The following FAM13C variants were observed in gnomAD, a reference collection of about 807,000 sequenced individuals.
FAM13C encodes protein FAM13C.
FAM13C carries 37 observed loss-of-function variants against 73.2 expected under a neutral mutation model. The observed-to-expected ratio is 0.51, with a 90% CI of 0.39 to 0.67. FAM13C has a LOEUF of 0.67. Among genes scored for constraint, FAM13C ranks in the 30% least tolerant of loss-of-function variants. The pLI is 0.00. For synonymous variants in FAM13C, 246 were observed against 260.9 expected (o/e 0.94, Z 0.55); for missense variants, 589 against 715.6 (o/e 0.82, Z 2.02).
At chr10:59,360,456 A>G (rs1473583787) in intron 1 of FAM13C, among the ~76,000 whole-genome samples, 1 of 152,156 alleles carries the variant, frequency 6.6e-6, no homozygotes, top group African/African-American at 2.4e-5. Context: ...CGTGTAGGCC[A>G]AGACCACACC....
intron 6 of FAM13C, among the ~76,000 whole-genome samples, chr10:59,277,031 T>C (rs544217003): frequency 1.3e-5 from 2 of 152,282 alleles, no homozygotes; most frequent in South Asian, 4.1e-4. Flanking sequence ...GCAGATGATG[T>C]TAACATTTTT....
intron 1 of FAM13C, among the ~76,000 whole-genome samples, 190 bp downstream of exon 1, chr10:59,362,209 A>C (rs1348452660): frequency 6.6e-6 from 1 of 152,164 alleles, no homozygotes; most frequent in Non-Finnish European, 1.5e-5. Context: ...AGCTGCTAAA[A>C]TGCTGGTTTC....
chr10:59,335,632 C>A (rs2134135285), intron 3 of FAM13C, among the ~76,000 whole-genome samples: 1 of 152,268 alleles, frequency 6.6e-6, no homozygotes, highest in Non-Finnish European at 1.5e-5. Context: ...GAAGAAAGGA[C>A]CAGTCCCTAA....
intron 3 of FAM13C, among the ~76,000 whole-genome samples, chr10:59,338,666 C>T (rs1589675636): frequency 6.6e-6 from 1 of 152,196 alleles, no homozygotes; most frequent in African/African-American, 2.4e-5. Flanking sequence ...CAACCTGCCT[C>T]AGCTTCCCCA....
intron 8 of FAM13C, 26 bp downstream of exon 8, chr10:59,268,527 C>T (rs777818555): frequency 1.7e-4 from 272 of 1,612,446 alleles, no homozygotes; most frequent in Non-Finnish European, 2.2e-4. Flanking sequence ...CCAATCCGCT[C>T]CTATGTCAAA....
At chr10:59,303,934 G>T (rs412286) in intron 4 of FAM13C, among the ~76,000 whole-genome samples, 2,888 of 152,272 alleles carry the variant, frequency 0.019, 41 homozygotes, top group Non-Finnish European at 0.027. Flanking sequence ...CAGGTCACTA[G>T]GTCAGGAGTT....
At chr10:59,264,435 C>A (rs1433655137) in intron 8 of FAM13C, among the ~76,000 whole-genome samples, 1 of 152,150 alleles carries the variant, frequency 6.6e-6, no homozygotes, top group Non-Finnish European at 1.5e-5. Flanking sequence ...TGCCTGGTCA[C>A]CTAACATTTT....
chr10:59,246,620 G>A lies in FAM13C; in HGVS notation c.*994C>T, dbSNP rs1414807192. On this transcript the variant is annotated 3_prime_UTR_variant, in exon 14 of 14. Coordinates refer to ENST00000618804, the MANE Select transcript of FAM13C (RefSeq NM_198215.4). ...AATGATATACACTGAAGTTGATGAA[G>A]CAAATAAATATTCTGGCTTCTTTTT... 1 of 397,530 alleles carries A rather than the reference G, an allele frequency of 2.5e-6. No individual in the cohort carries two copies. Among genetic ancestry groups the A allele is most frequent in the East Asian group, 3.6e-5 (1 of 27,864 alleles). The allele number at this position is 397,530 out of a possible 1,614,324, so 24.6% of individuals were successfully genotyped here.
intron 3 of FAM13C, among the ~76,000 whole-genome samples, chr10:59,336,253 T>C (rs1852709517): frequency 6.6e-6 from 1 of 152,212 alleles, no homozygotes; most frequent in African/African-American, 2.4e-5. Context: ...CCTAATATTA[T>C]TGTTTTTTAT....
rs558580386 is a variant in FAM13C at position 59,303,214 on chromosome 10, A to G, written c.444-350T>C. On this transcript the variant is annotated intron_variant, in intron 4 of 13. Coordinates refer to ENST00000618804, the MANE Select transcript of FAM13C (RefSeq NM_198215.4). ...TGCTCTCCCCTGGGATCTGCATACAATTCACTCTTATCACCATGTATGCAT... is the reference window on the plus strand; with the variant it reads ...TGCTCTCCCCTGGGATCTGCATACAGTTCACTCTTATCACCATGTATGCAT... Among the ~76,000 whole-genome samples, 53 of 152,170 alleles carry G rather than the reference A, an allele frequency of 3.5e-4. No homozygotes were observed. The South Asian group carries it at 0.01, about 29-fold the overall frequency.
At chr10:59,352,221 C>T (rs765628128) in intron 3 of FAM13C, 49 bp downstream of exon 3, 27 of 1,604,320 alleles carry the variant, frequency 1.7e-5, no homozygotes, top group Non-Finnish European at 2.0e-5. Context: ...TGTGGCCTAG[C>T]CTAAGAATCA....
intron 10 of FAM13C, among the ~76,000 whole-genome samples, chr10:59,261,493 A>C (rs1842498282): frequency 6.6e-6 from 1 of 152,190 alleles, no homozygotes; most frequent in Admixed American, 6.6e-5. Flanking sequence ...TGAAAATTAA[A>C]TATGCTAGTT....
intron 10 of FAM13C, among the ~76,000 whole-genome samples, chr10:59,258,293 G>T (rs1842136291): frequency 6.6e-6 from 1 of 152,064 alleles, no homozygotes; most frequent in Non-Finnish European, 1.5e-5. Flanking sequence ...AGACCAGCCT[G>T]GGCAAAAGTG....
At chr10:59,316,344 A>C (rs922648828) in intron 4 of FAM13C, among the ~76,000 whole-genome samples, 1 of 152,242 alleles carries the variant, frequency 6.6e-6, no homozygotes, top group Non-Finnish European at 1.5e-5. Flanking sequence ...TAATGGATGC[A>C]CATAAAGATA....
chr10:59,362,336 T>A, intron 1 of FAM13C, 63 bp downstream of exon 1: 1 of 1,587,046 alleles, frequency 6.3e-7, no homozygotes, highest in Admixed American at 1.8e-5. Flanking sequence ...GGAGGATACC[T>A]TCACGATAGT....
At chr10:59,272,553 C>A (rs1274672002) in intron 6 of FAM13C, among the ~76,000 whole-genome samples, 1 of 152,144 alleles carries the variant, frequency 6.6e-6, no homozygotes, top group African/African-American at 2.4e-5. Flanking sequence ...TAAGGTGGAA[C>A]CTTTGTTCCC....
chr10:59,362,629 G>T (rs756153352), upstream of FAM13C: 2 of 1,424,358 alleles, frequency 1.4e-6, no homozygotes, highest in African/African-American at 1.5e-5. Flanking sequence ...GGGGCCCAGC[G>T]GCACGGGCGA....
At chr10:59,286,275 G>A (rs550042389) in intron 5 of FAM13C, among the ~76,000 whole-genome samples, 2 of 152,228 alleles carry the variant, frequency 1.3e-5, no homozygotes, top group African/African-American at 4.8e-5. Context: ...AGCACTTTGG[G>A]AGGCTGAGAC....
intron 5 of FAM13C, among the ~76,000 whole-genome samples, chr10:59,292,877 A>C (rs998727928): frequency 3.3e-5 from 5 of 152,026 alleles, no homozygotes; most frequent in African/African-American, 1.2e-4. Flanking sequence ...CTATTTGAAA[A>C]TCCGTAGTAA....
Sources: gnomAD v4.1 joint callset for allele counts (sites outside exome capture counted in the v4.1 genomes callset) on GRCh38, gnomAD v4.1.1 for gene constraint, MANE v1.5 for transcripts, NCBI Gene and HGNC (gene_info 2026-07-23, HGNC 2026-07-21) for gene names.